Variants in INO80 observed in about 807,000 individuals in gnomAD.
The protein encoded by INO80 is chromatin-remodeling ATPase INO80.
In INO80, 20 loss-of-function variants were observed where a neutral mutation model predicts 203.4. The ratio of observed to expected loss-of-function variants is 0.10; its 90% CI spans 0.07 to 0.14. INO80 has a LOEUF of 0.14. INO80 is among the 10% of genes least tolerant of loss of function. INO80 has a pLI of 1.00. For missense variants in INO80, 1,419 were observed against 1,914.4 expected (o/e 0.74, Z 4.83); for synonymous variants, 726 against 685.2 (o/e 1.06, Z -0.93).
At position 41,057,232 on chromosome 15, in the gene INO80, G is replaced by T. The variant is rs185702150; in HGVS notation, c.1986-526C>A. On this transcript the variant is annotated intron_variant, in intron 16 of 35. Transcript: ENST00000648947. The stretch of plus-strand genomic sequence containing the variant: ...CATGTCTGTACTCCCAGCACTTTGG[G>T]AGGCTTGAGTGCAGGAGTTCAAGAC... Among the ~76,000 whole-genome samples, 3 of 152,160 alleles carry T rather than the reference G, an allele frequency of 2.0e-5. No individual in the cohort carries two copies. In the East Asian group the frequency reaches 5.8e-4, roughly 29 times the overall value.
intron 19 of INO80, among the ~76,000 whole-genome samples, chr15:41,051,641 G>C (rs1175429226): frequency 6.6e-6 from 1 of 151,622 alleles, no homozygotes; most frequent in Admixed American, 6.6e-5. Flanking sequence ...GTGAGACCCT[G>C]ACTCTATAAA....
In INO80 at chr15:41,003,718, A is replaced by G. The variant is rs57963052; in HGVS notation, c.3497+1875T>C. On this transcript the variant is annotated intron_variant, in intron 28 of 35. Coordinates refer to ENST00000648947, the MANE Select transcript of INO80 (RefSeq NM_017553.3). ...AGTCCCCAACTGTTACTGAAGAAAA[A>G]CAAAACATTACTGTTAAAAAGATCC... Among the ~76,000 whole-genome samples the G allele has an allele frequency of 2.4e-3, 363 of 152,308 alleles. 17 individuals are homozygous for G. In the East Asian group the frequency reaches 0.06, roughly 25 times the overall value.
At chr15:41,084,617 G>C (rs2045532164) in intron 7 of INO80, among the ~76,000 whole-genome samples, 1 of 152,102 alleles carries the variant, frequency 6.6e-6, no homozygotes, top group African/African-American at 2.4e-5. Flanking sequence ...GAGGAAAAAT[G>C]CTTATACATG....
At chr15:40,981,934 C>G (rs1378739387) in intron 35 of INO80, among the ~76,000 whole-genome samples, 1 of 151,858 alleles carries the variant, frequency 6.6e-6, no homozygotes, top group Non-Finnish European at 1.5e-5. Context: ...CAGTCCAAAT[C>G]CTTCCTCATT....
intron 1 of INO80, among the ~76,000 whole-genome samples, chr15:41,110,800 A>C (rs1427908258): frequency 6.6e-6 from 1 of 152,210 alleles, no homozygotes; most frequent in East Asian, 1.9e-4. Context: ...TAAAAACATG[A>C]TTGAACTTCA....
intron 28 of INO80, 53 bp downstream of exon 28, chr15:41,005,540 A>AAGC: frequency 1.1e-6 from 1 of 900,098 alleles, no homozygotes; most frequent in Non-Finnish European, 1.8e-6. Flanking sequence ...TTACCATTTC[A>AAGC]AGCACTAGAG....
At chr15:41,049,883 T>C (rs932909649) in intron 20 of INO80, 52 bp downstream of exon 20, 1 of 1,525,026 alleles carries the variant, frequency 6.6e-7, no homozygotes, top group Admixed American at 1.8e-5. Context: ...AAGACAATTC[T>C]ATCTCAAAAA....
chr15:41,069,424 C>T lies in INO80; in HGVS notation c.1782+146G>A, dbSNP rs2045276790. ...TGACCTCGTGATCCACCCACCTCAA[C>T]CTCCCAAAGTGCTGAGATTACAAGT... On this transcript the variant is annotated intron_variant, in intron 14 of 35. Transcript: ENST00000648947. 33 of 504,190 alleles carry T rather than the reference C, an allele frequency of 6.5e-5. 1 individual carries two copies. In the South Asian group the frequency reaches 9.4e-4, roughly 14 times the overall value. 31.2% of individuals were successfully genotyped at this position (504,190 alleles called of 1,614,324 possible). A position where few individuals can be genotyped will look rare whatever the true frequency, so the allele number is the denominator to read the frequency against.
chr15:41,093,242 T>C (rs1303507050), intron 4 of INO80, among the ~76,000 whole-genome samples: 1 of 151,634 alleles, frequency 6.6e-6, no homozygotes, highest in East Asian at 2.0e-4. Context: ...CTGGCTAACA[T>C]GGTGAAACCC....
At chr15:41,076,297 T>C (rs542423263) in intron 9 of INO80, among the ~76,000 whole-genome samples, 50 of 152,008 alleles carry the variant, frequency 3.3e-4, no homozygotes, top group Non-Finnish European at 5.1e-4. Flanking sequence ...GGAGGAAAGG[T>C]TGCAGTGAGC....
In INO80 at chr15:41,055,291, T is replaced by C. The variant is rs757889163; in HGVS notation, c.2144A>G (p.Lys715Arg). 6.2e-7 allele frequency: 1 copy of C among 1,613,322 alleles called. No homozygotes were observed. Among genetic ancestry groups the C allele is most frequent in the Admixed American group, 1.7e-5 (1 of 60,002 alleles). Reference protein sequence around the residue: ...SHEEFNEWFSKDIESHAENKS... With the variant: ...SHEEFNEWFSRDIESHAENKS... ...GTTTTCGGCATGGCTCTCAATGTCC[T>C]TGGAAAACCATTCATTAAATTCCTC... The change falls in exon 18 of 36, where the codon AAG (lysine) becomes AGG (arginine). Residue 715 changes from lysine (K) to arginine (R), a missense_variant. Coordinates refer to ENST00000648947, the MANE Select transcript of INO80 (RefSeq NM_017553.3).
At chr15:41,106,431 G>A (rs1339930330) in intron 1 of INO80, among the ~76,000 whole-genome samples, 3 of 148,912 alleles carry the variant, frequency 2.0e-5, no homozygotes, top group Non-Finnish European at 4.5e-5. Flanking sequence ...TAGATTAGCT[G>A]TGCATAGTGG....
At position 41,116,262 on chromosome 15, in the gene INO80, G is replaced by T. The variant is rs1228057226; in HGVS notation, c.-333C>A. ...GCAGGGACACGGGGAGCCATGGCGG[G>T]GGGGAGGAGAGGCGCCATAGCCAGG... On this transcript the variant is annotated 5_prime_UTR_variant, in exon 1 of 36. Coordinates refer to ENST00000648947, the MANE Select transcript of INO80 (RefSeq NM_017553.3). 2.5e-6 allele frequency: 1 copy of T among 399,804 alleles called. No individual in the cohort carries two copies. The highest frequency in any genetic ancestry group is 3.6e-5 in the East Asian group (1 of 28,116). 24.8% of individuals were successfully genotyped at this position (399,804 alleles called of 1,614,324 possible). A position where few individuals can be genotyped will look rare whatever the true frequency, so the allele number is the denominator to read the frequency against.
chr15:41,077,359 CAA>C (rs750218617), intron 9 of INO80, among the ~76,000 whole-genome samples: 1,112 of 74,412 alleles, frequency 0.015, 17 homozygotes, highest in African/African-American at 0.039. Context: ...GGGAATACAG[CAA>C]AAAAAAAAAA....
chr15:41,057,817 A>G (rs190528770), intron 16 of INO80, among the ~76,000 whole-genome samples: 300 of 138,562 alleles, frequency 2.2e-3, no homozygotes, highest in South Asian at 9.9e-3. Context: ...AAAAAAAAAA[A>G]AAAGAAAGAA....
Position 41,077,205 on chromosome 15 carries a change from C to G in INO80, c.1131+2496G>C, listed in dbSNP as rs985742665. 2.9e-5 allele frequency among the ~76,000 whole-genome samples: 4 copies of G among 137,632 alleles called. No homozygotes were observed. The East Asian group carries it at 6.0e-4, about 21-fold the overall frequency. The allele number at this position is 137,632 out of a possible 152,430, so 90.3% of individuals were successfully genotyped here. ...TACAAGCGTGAGCCACCGCGCCCAG[C>G]CTTGTTTGCTTTATTTTTTTTTTTT... is the stretch of plus-strand genomic sequence containing the variant. On this transcript the variant is annotated intron_variant, in intron 9 of 35. Transcript: ENST00000648947.
At chr15:41,063,828 C>A (rs2045161070) in intron 14 of INO80, among the ~76,000 whole-genome samples, 1 of 151,824 alleles carries the variant, frequency 6.6e-6, no homozygotes, top group South Asian at 2.1e-4. Context: ...AGAAAAAAAG[C>A]CATGTAAAAA....
At chr15:41,062,521 A>C (rs1252506956) in intron 14 of INO80, among the ~76,000 whole-genome samples, 1 of 152,188 alleles carries the variant, frequency 6.6e-6, no homozygotes, top group Non-Finnish European at 1.5e-5. Flanking sequence ...TGACAGAGTG[A>C]GACTCTGTCT....
chr15:40,997,424 C>G, intron 29 of INO80, 105 bp downstream of exon 29: 1 of 764,900 alleles, frequency 1.3e-6, no homozygotes, highest in East Asian at 2.6e-5. Flanking sequence ...GTTTGTGACA[C>G]AAAAGCAAAG....
Sources: gnomAD v4.1 joint callset for allele counts (sites outside exome capture counted in the v4.1 genomes callset) on GRCh38, gnomAD v4.1.1 for gene constraint, MANE v1.5 for transcripts, NCBI Gene and HGNC (gene_info 2026-07-23, HGNC 2026-07-21) for gene names.